The following ASTN2 variants were observed in gnomAD, a reference collection of about 807,000 sequenced individuals.
The protein encoded by ASTN2 is astrotactin 2, also known as astrotactin-2.
Under a neutral mutation model 139.8 loss-of-function variants are expected in ASTN2, and 54 were observed. The observed-to-expected ratio is 0.39, with a 90% CI of 0.31 to 0.48. The LOEUF (loss-of-function observed/expected upper bound fraction) is 0.48. ASTN2 is among the 20% of genes least tolerant of loss of function. The pLI is 0.95. For synonymous variants in ASTN2, 756 were observed against 719.5 expected (o/e 1.05, Z -0.81); for missense variants, 1,565 against 1,725.1 (o/e 0.91, Z 1.64).
intron 5 of ASTN2, among the ~76,000 whole-genome samples, chr9:117,093,628 T>C (rs900892478): frequency 4.6e-5 from 7 of 152,200 alleles, no homozygotes; most frequent in South Asian, 2.1e-4. Context: ...CCAAACTATA[T>C]GAAACAGAAA....
intron 5 of ASTN2, among the ~76,000 whole-genome samples, chr9:117,049,333 T>A (rs766900443): frequency 3.5e-4 from 53 of 152,068 alleles, no homozygotes; most frequent in Non-Finnish European, 4.7e-4. Context: ...AGCACCCAAG[T>A]ATATATCTGG....
chr9:116,554,349 T>G (rs563878792), intron 19 of ASTN2, among the ~76,000 whole-genome samples: 1 of 152,290 alleles, frequency 6.6e-6, no homozygotes, highest in East Asian at 1.9e-4. Context: ...AGGACCCACT[T>G]TGGGATCTGG....
chr9:116,912,944 G>C (rs1834356350), intron 10 of ASTN2, among the ~76,000 whole-genome samples: 1 of 152,140 alleles, frequency 6.6e-6, no homozygotes. Flanking sequence ...TGTCGCCCAG[G>C]CTGGAGTGCA....
chr9:117,144,321 G>T (rs537743847), intron 3 of ASTN2, among the ~76,000 whole-genome samples: 3 of 152,074 alleles, frequency 2.0e-5, no homozygotes, highest in Non-Finnish European at 2.9e-5. Flanking sequence ...TCCCTAATCC[G>T]AAAATCTGAA....
chr9:117,308,513 T>A (rs1330101886), intron 1 of ASTN2, among the ~76,000 whole-genome samples: 1 of 152,154 alleles, frequency 6.6e-6, no homozygotes, highest in Non-Finnish European at 1.5e-5. Context: ...GGAAGCAGGA[T>A]GTGTTACTAC....
chr9:117,162,406 G>A (rs1830574408), intron 3 of ASTN2, among the ~76,000 whole-genome samples: 1 of 152,032 alleles, frequency 6.6e-6, no homozygotes, highest in African/African-American at 2.4e-5. Flanking sequence ...CTGGCCAGCT[G>A]CTCTGGTGAG....
rs1564345815 is a variant in ASTN2 at position 116,530,140 on chromosome 9, T to TCACATATATAGA, written c.3356-42641_3356-42640insTCTATATATGTG. ...ATATATATATATATATATATATATA[T>TCACATATATAGA]ATATATATATAAAATAGAATATTAT... On this transcript the variant is annotated intron_variant, in intron 19 of 22. Transcript: ENST00000313400. Among the ~76,000 whole-genome samples the TCACATATATAGA allele has an allele frequency of 8.0e-4, 21 of 26,274 alleles. 1 individual carries two copies. The East Asian group carries it at 0.013, about 17-fold the overall frequency. 17.2% of individuals were successfully genotyped at this position (26,274 alleles called of 152,430 possible).
intron 2 of ASTN2, among the ~76,000 whole-genome samples, chr9:117,289,259 C>T (rs536442057): frequency 6.6e-6 from 1 of 152,062 alleles, no homozygotes; most frequent in Non-Finnish European, 1.5e-5. Context: ...AGCCTTGGGT[C>T]ACTTTGGCTC....
At chr9:117,179,493 G>A (rs1831002495) in intron 3 of ASTN2, among the ~76,000 whole-genome samples, 2 of 152,074 alleles carry the variant, frequency 1.3e-5, no homozygotes, top group Non-Finnish European at 2.9e-5. Context: ...CATCCTAATA[G>A]GAGACCCCAT....
In ASTN2 at chr9:116,425,975, C is replaced by A. The variant is rs138209428; in HGVS notation, c.3896G>T (p.Arg1299Leu). Reference sequence around the variant, plus strand: ...GCCTGCAGGCCGGACCTCCTCGCTGCGGCAGAAAAGATAGGGCACTGTTTC... The same window carrying A: ...GCCTGCAGGCCGGACCTCCTCGCTGAGGCAGAAAAGATAGGGCACTGTTTC... Reference protein sequence around the residue: ...RVETVPYLFCRSEEVRPAGMV... With the variant: ...RVETVPYLFCLSEEVRPAGMV... The change falls in exon 23 of 23, where the codon CGC (arginine) becomes CTC (leucine). Residue 1299 changes from arginine to leucine, a missense_variant. By Grantham distance (102) the Arg-to-Leu change is moderately radical. Transcript: ENST00000313400. 1.9e-6 allele frequency: 3 copies of A among 1,614,000 alleles called. No individual in the cohort carries two copies. The Admixed American group carries it at 5.0e-5, about 27-fold the overall frequency.
intron 10 of ASTN2, among the ~76,000 whole-genome samples, chr9:116,932,689 G>T (rs1374594252): frequency 6.6e-6 from 1 of 152,052 alleles, no homozygotes. Context: ...GAGCCATTCA[G>T]TTCTGCATGG....
At chr9:117,220,245 C>A (rs1432782023) in intron 2 of ASTN2, among the ~76,000 whole-genome samples, 1 of 152,014 alleles carries the variant, frequency 6.6e-6, no homozygotes, top group East Asian at 1.9e-4. Context: ...TGTCCAGGTT[C>A]CCTAGCCTGG....
At chr9:116,492,514 C>G (rs1849546844) in intron 19 of ASTN2, among the ~76,000 whole-genome samples, 1 of 152,150 alleles carries the variant, frequency 6.6e-6, no homozygotes, top group African/African-American at 2.4e-5. Context: ...GGTCCATGCC[C>G]ATACACTCAA....
intron 2 of ASTN2, among the ~76,000 whole-genome samples, chr9:117,270,684 A>G (rs1587896714): frequency 6.6e-6 from 1 of 152,338 alleles, no homozygotes; most frequent in East Asian, 1.9e-4. Context: ...CTTCCCATCT[A>G]TAAAACAGAG....
chr9:117,220,827 C>A (rs7041533), intron 2 of ASTN2, among the ~76,000 whole-genome samples: 1 of 152,098 alleles, frequency 6.6e-6, no homozygotes, highest in African/African-American at 2.4e-5. Flanking sequence ...AAGGCACTGC[C>A]CTTGACCTCT....
At chr9:116,855,342 C>CTACTCCT in intron 11 of ASTN2, among the ~76,000 whole-genome samples, 1 of 17,952 alleles carries the variant, frequency 5.6e-5, no homozygotes, top group East Asian at 4.5e-3. Context: ...GAGCTACTCC[C>CTACTCCT]TCCTTTTCAT....
chr9:117,250,278 T>C (rs1041552322), intron 2 of ASTN2, among the ~76,000 whole-genome samples: 7 of 152,216 alleles, frequency 4.6e-5, no homozygotes, highest in Non-Finnish European at 1.0e-4. Context: ...GTTAGACACA[T>C]TTCTTTGCCC....
intron 1 of ASTN2, among the ~76,000 whole-genome samples, chr9:117,293,108 C>A (rs534901075): frequency 1.3e-3 from 191 of 150,744 alleles, no homozygotes; most frequent in African/African-American, 4.6e-3. Context: ...AGAAAAAAAA[C>A]AACAAACAAA....
intron 12 of ASTN2, among the ~76,000 whole-genome samples, chr9:116,812,745 G>GGGAATCAAAACT (rs1204143232): frequency 6.6e-6 from 1 of 152,052 alleles, no homozygotes; most frequent in Non-Finnish European, 1.5e-5. Flanking sequence ...TAGTGGTGCT[G>GGGAATCAAAACT]GGAATCAAAA....
Sources: gnomAD v4.1 joint callset for allele counts (sites outside exome capture counted in the v4.1 genomes callset) on GRCh38, gnomAD v4.1.1 for gene constraint, MANE v1.5 for transcripts, NCBI Gene and HGNC (gene_info 2026-07-23, HGNC 2026-07-21) for gene names.